Variants in JAZF1 observed in about 807,000 individuals in gnomAD.
JAZF1 encodes the protein juxtaposed with another zinc finger protein 1.
In JAZF1, 8 loss-of-function variants were observed where a neutral mutation model predicts 26.4. That is an observed-to-expected ratio of 0.30 (90% CI 0.18 to 0.55). JAZF1 has a LOEUF of 0.55. Among genes scored for constraint, JAZF1 ranks in the 20% least tolerant of loss-of-function variants. The pLI is 0.94. For synonymous variants in JAZF1, 126 were observed against 122.3 expected, an observed-to-expected ratio of 1.03 and a Z score of -0.20; for missense variants, 199 against 322.0, an observed-to-expected ratio of 0.62 and a Z score of 2.92.
rs762601214 is a variant in JAZF1, at chr7:27,895,535, C to T, written c.189-119G>A. On this transcript the variant is annotated intron_variant, in intron 2 of 4. Transcript: ENST00000283928. ...AAAAGGACCTTGGCCACAGGTCAGT[C>T]CCAATCTCAAAAACTCACAACAGCT... is the stretch of plus-strand genomic sequence containing the variant. 7.4e-4 allele frequency: 416 copies of T among 563,994 alleles called. 1 individual carries two copies. Among genetic ancestry groups the T allele is most frequent in the Non-Finnish European group, 1.3e-4 (43 of 342,634 alleles). 34.9% of individuals were successfully genotyped at this position (563,994 alleles called of 1,614,324 possible).
intron 2 of JAZF1, among the ~76,000 whole-genome samples, chr7:27,915,395 C>CAAA (rs1784430578): frequency 2.0e-5 from 3 of 152,172 alleles, no homozygotes; most frequent in African/African-American, 7.2e-5. Flanking sequence ...CATTAAATAG[C>CAAA]AAACTAGTCT....
At chr7:28,074,989 A>G (rs1215554274) in intron 1 of JAZF1, among the ~76,000 whole-genome samples, 2 of 152,182 alleles carry the variant, frequency 1.3e-5, no homozygotes, top group East Asian at 3.9e-4. Context: ...GAGGTAAAGG[A>G]CACACGTCCC....
At chr7:28,087,396 C>G (rs1309308310) in intron 1 of JAZF1, among the ~76,000 whole-genome samples, 1 of 151,794 alleles carries the variant, frequency 6.6e-6, no homozygotes, top group Non-Finnish European at 1.5e-5. Context: ...GAACAGTCCT[C>G]AAAAGTGATC....
At chr7:28,123,206 G>C (rs936453104) in intron 1 of JAZF1, among the ~76,000 whole-genome samples, 4 of 152,030 alleles carry the variant, frequency 2.6e-5, no homozygotes, top group African/African-American at 9.7e-5. Context: ...CTTGAGAAAT[G>C]TTCCTCCCTG....
At chr7:28,110,486 A>G (rs1784629239) in intron 1 of JAZF1, among the ~76,000 whole-genome samples, 1 of 62,438 alleles carries the variant, frequency 1.6e-5, no homozygotes, top group Non-Finnish European at 3.6e-5. Flanking sequence ...AGGAAAGGAA[A>G]GGAAAGGAAA....
intron 3 of JAZF1, among the ~76,000 whole-genome samples, chr7:27,887,064 A>G (rs755039267): frequency 1.3e-5 from 2 of 152,136 alleles, no homozygotes; most frequent in African/African-American, 2.4e-5. Flanking sequence ...AAAGAGCTAA[A>G]TGATGAGAAT....
intron 1 of JAZF1, among the ~76,000 whole-genome samples, chr7:28,034,244 C>T (rs1436456761): frequency 6.7e-6 from 1 of 149,796 alleles, no homozygotes; most frequent in Non-Finnish European, 1.5e-5. Context: ...CTTACTTAAG[C>T]AATTTGAGTC....
chr7:28,115,099 T>A (rs1409537863), intron 1 of JAZF1, among the ~76,000 whole-genome samples: 1 of 152,200 alleles, frequency 6.6e-6, no homozygotes, highest in Non-Finnish European at 1.5e-5. Flanking sequence ...ATGTAGGTTC[T>A]GTTGTTGTTT....
intron 3 of JAZF1, among the ~76,000 whole-genome samples, chr7:27,844,936 G>A (rs980917028): frequency 6.6e-6 from 1 of 152,184 alleles, no homozygotes; most frequent in African/African-American, 2.4e-5. Context: ...ATTAAGTAGA[G>A]TTGGTGGTCG....
chr7:27,972,185 T>C (rs1174904991), intron 2 of JAZF1, among the ~76,000 whole-genome samples: 1 of 152,182 alleles, frequency 6.6e-6, no homozygotes, highest in African/African-American at 2.4e-5. Context: ...ATAAGCACTA[T>C]GAAGAACAGA....
chr7:27,913,418 G>A (rs527527356), intron 2 of JAZF1: 4 of 456,382 alleles, frequency 8.8e-6, no homozygotes, highest in Non-Finnish European at 1.8e-5. Context: ...ACAGCGAGAA[G>A]GGAGGTCTTC....
chr7:27,973,076 C>G (rs888743550), intron 2 of JAZF1, among the ~76,000 whole-genome samples: 2 of 151,704 alleles, frequency 1.3e-5, no homozygotes, highest in Non-Finnish European at 2.9e-5. Context: ...AGGGAGAATA[C>G]CCGCCACAAC....
intron 1 of JAZF1, among the ~76,000 whole-genome samples, chr7:28,093,717 G>A (rs1178557930): frequency 6.6e-6 from 1 of 152,222 alleles, no homozygotes; most frequent in Non-Finnish European, 1.5e-5. Context: ...TGAAGAGAGT[G>A]CCACAGTGAT....
At chr7:28,094,977 C>T (rs1784361401) in intron 1 of JAZF1, among the ~76,000 whole-genome samples, 1 of 152,102 alleles carries the variant, frequency 6.6e-6, no homozygotes, top group African/African-American at 2.4e-5. Context: ...GAAAAACTGG[C>T]ACCCCAGAGA....
intron 1 of JAZF1, among the ~76,000 whole-genome samples, chr7:28,129,300 T>C (rs979819877): frequency 1.3e-5 from 2 of 152,136 alleles, no homozygotes; most frequent in Admixed American, 1.3e-4. Flanking sequence ...TAGAAAATAC[T>C]TTAACATTAT....
At position 28,144,837 on chromosome 7, in the gene JAZF1, T is replaced by C. The variant is rs529389461; in HGVS notation, c.115+35626A>G. 9.9e-5 allele frequency among the ~76,000 whole-genome samples: 15 copies of C among 152,272 alleles called. No individual in the cohort carries two copies. In the East Asian group the frequency reaches 2.7e-3, roughly 27 times the overall value. ...GATTTCAGCCTTTTTAAATCAAAGGTAAATCTGCTGGAAAATGGCACTTGG... is the reference window on the plus strand; with the variant it reads ...GATTTCAGCCTTTTTAAATCAAAGGCAAATCTGCTGGAAAATGGCACTTGG... On this transcript the variant is annotated intron_variant, in intron 1 of 4. Transcript: ENST00000283928.
intron 2 of JAZF1, among the ~76,000 whole-genome samples, chr7:27,988,991 A>G (rs1785833254): frequency 6.6e-6 from 1 of 151,544 alleles, no homozygotes; most frequent in Non-Finnish European, 1.5e-5. Context: ...GTCAATCCTA[A>G]GCCAAAACAA....
intron 2 of JAZF1, chr7:27,913,440 C>G: frequency 2.3e-6 from 1 of 434,710 alleles, no homozygotes; most frequent in South Asian, 1.6e-5. Flanking sequence ...CTAGGTCTGT[C>G]TCATCTCCGC....
intron 1 of JAZF1, among the ~76,000 whole-genome samples, chr7:28,087,666 T>G (rs1334250453): frequency 1.3e-5 from 2 of 152,112 alleles, no homozygotes; most frequent in African/African-American, 4.8e-5. Flanking sequence ...AAAGAAAAAT[T>G]TATCAAGGAC....
Sources: gnomAD v4.1 joint callset for allele counts (sites outside exome capture counted in the v4.1 genomes callset) on GRCh38, gnomAD v4.1.1 for gene constraint, MANE v1.5 for transcripts, NCBI Gene and HGNC (gene_info 2026-07-23, HGNC 2026-07-21) for gene names.